Variants in SRPK2 observed in about 807,000 individuals in gnomAD.
SRPK2 encodes the protein SFRS protein kinase 2.
A neutral mutation model predicts 90.8 loss-of-function variants in SRPK2; 21 were observed. The ratio of observed to expected loss-of-function variants is 0.23; its 90% CI spans 0.16 to 0.33. SRPK2 has a LOEUF of 0.33. Among genes scored for constraint, SRPK2 ranks in the 10% least tolerant of loss-of-function variants. SRPK2 has a pLI of 1.00. For missense variants in SRPK2, 620 were observed against 869.0 expected (o/e 0.71, Z 3.60); for synonymous variants, 288 against 311.1 (o/e 0.93, Z 0.78).
At chr7:105,132,926 G>A (rs200889615) in intron 12 of SRPK2, 28 bp from the exon 13 acceptor site, 44 of 1,612,506 alleles carry the variant, frequency 2.7e-5, no homozygotes, top group Admixed American at 8.3e-5. Flanking sequence ...GCATTACCAC[G>A]GAGCAACACA....
At chr7:105,265,340 G>C (rs1804901355) in intron 2 of SRPK2, among the ~76,000 whole-genome samples, 1 of 152,128 alleles carries the variant, frequency 6.6e-6, no homozygotes, top group African/African-American at 2.4e-5. Flanking sequence ...GGTATTGTAA[G>C]TAATCTAGAG....
intron 7 of SRPK2, among the ~76,000 whole-genome samples, chr7:105,149,130 T>A (rs952289970): frequency 6.6e-6 from 1 of 152,150 alleles, no homozygotes; most frequent in Non-Finnish European, 1.5e-5. Context: ...GAAAGCCTCT[T>A]GCAGTTGAGA....
intron 2 of SRPK2, among the ~76,000 whole-genome samples, chr7:105,336,559 T>G (rs747939159): frequency 3.1e-4 from 47 of 152,158 alleles, no homozygotes; most frequent in Admixed American, 2.0e-4. Context: ...AAAAAAAAAG[T>G]TCTCATTACA....
At chr7:105,387,227 A>T (rs1247579940) in intron 2 of SRPK2, among the ~76,000 whole-genome samples, 1 of 152,232 alleles carries the variant, frequency 6.6e-6, no homozygotes, top group African/African-American at 2.4e-5. Flanking sequence ...AATTAAATCA[A>T]TGCTTTGAAT....
chr7:105,288,990 C>T (rs1808562780), intron 2 of SRPK2, among the ~76,000 whole-genome samples: 1 of 151,710 alleles, frequency 6.6e-6, no homozygotes, highest in Non-Finnish European at 1.5e-5. Context: ...GGTGCGGAGG[C>T]TCACGCCTGT....
chr7:105,334,319 C>T (rs1398662876), intron 2 of SRPK2, among the ~76,000 whole-genome samples: 1 of 152,158 alleles, frequency 6.6e-6, no homozygotes, highest in Non-Finnish European at 1.5e-5. Flanking sequence ...ACCTCGTGAT[C>T]CACCCACCTT....
At chr7:105,131,894 G>C (rs576986871) in intron 13 of SRPK2, among the ~76,000 whole-genome samples, 1 of 152,088 alleles carries the variant, frequency 6.6e-6, no homozygotes, top group Non-Finnish European at 1.5e-5. Flanking sequence ...TTCCCAACAC[G>C]GAACGCCTAA....
chr7:105,358,544 G>A (rs1818059071), intron 2 of SRPK2, among the ~76,000 whole-genome samples: 1 of 151,664 alleles, frequency 6.6e-6, no homozygotes, highest in African/African-American at 2.4e-5. Context: ...AAATTAGCCG[G>A]GCATGGTGGT....
intron 2 of SRPK2, among the ~76,000 whole-genome samples, chr7:105,315,507 G>A (rs1012396283): frequency 6.6e-6 from 1 of 152,238 alleles, no homozygotes; most frequent in Non-Finnish European, 1.5e-5. Flanking sequence ...GCACACTAAC[G>A]CTGTGTATTA....
chr7:105,320,229 G>A (rs958759894), intron 2 of SRPK2, among the ~76,000 whole-genome samples: 3 of 151,958 alleles, frequency 2.0e-5, no homozygotes, highest in Non-Finnish European at 2.9e-5. Flanking sequence ...AAACACCCAC[G>A]CATATCCCTA....
chr7:105,211,564 TG>T (rs1346888330), intron 2 of SRPK2, among the ~76,000 whole-genome samples: 1 of 151,508 alleles, frequency 6.6e-6, no homozygotes, highest in African/African-American at 2.4e-5. Context: ...GGAGTGAGAG[TG>T]AGGGGGGAGG....
upstream of SRPK2, among the ~76,000 whole-genome samples, chr7:105,389,580 C>A (rs1262710367): frequency 6.6e-6 from 1 of 152,190 alleles, no homozygotes; most frequent in African/African-American, 2.4e-5. Context: ...TTGAAACTCG[C>A]TTCCGTAAAC....
At chr7:105,306,646 C>G (rs1180272469) in intron 2 of SRPK2, 3 of 369,164 alleles carry the variant, frequency 8.1e-6, no homozygotes, top group African/African-American at 6.4e-5. Context: ...AAGATGCCAC[C>G]TTCAGTTGGA....
intron 2 of SRPK2, among the ~76,000 whole-genome samples, chr7:105,268,233 T>G (rs1046522429): frequency 9.2e-5 from 14 of 152,222 alleles, no homozygotes; most frequent in African/African-American, 2.9e-4. Flanking sequence ...GAACCATTAC[T>G]GCATGCAGTG....
chr7:105,185,550 AAAT>A (rs566380679), intron 3 of SRPK2, among the ~76,000 whole-genome samples: 8 of 152,076 alleles, frequency 5.3e-5, no homozygotes, highest in African/African-American at 1.2e-4. Flanking sequence ...TCTTGTCAAA[AAAT>A]AATAATAATA....
chr7:105,196,932 C>G (rs997579416), intron 3 of SRPK2, among the ~76,000 whole-genome samples: 8 of 152,076 alleles, frequency 5.3e-5, no homozygotes, highest in African/African-American at 1.9e-4. Flanking sequence ...TGCCTGTAAT[C>G]CAAGCTACTC....
intron 2 of SRPK2, among the ~76,000 whole-genome samples, chr7:105,378,113 C>T (rs1820521239): frequency 6.6e-6 from 1 of 152,136 alleles, no homozygotes; most frequent in Non-Finnish European, 1.5e-5. Flanking sequence ...GCTTGACATT[C>T]CAAGACTACA....
At chr7:105,225,524 A>G (rs997459920) in intron 2 of SRPK2, among the ~76,000 whole-genome samples, 2 of 152,206 alleles carry the variant, frequency 1.3e-5, no homozygotes, top group Non-Finnish European at 2.9e-5. Context: ...CATACTCCCA[A>G]CAAAACCACT....
chr7:105,293,491 C>CT (rs900633181), intron 2 of SRPK2, among the ~76,000 whole-genome samples: 1 of 151,968 alleles, frequency 6.6e-6, no homozygotes, highest in Non-Finnish European at 1.5e-5. Flanking sequence ...AACCTTCCCC[C>CT]TCCACCCCCC....
Sources: allele counts gnomAD v4.1 joint callset (sites outside exome capture counted in the v4.1 genomes callset), GRCh38; gene constraint gnomAD v4.1.1; transcripts MANE v1.5; gene names NCBI Gene and HGNC (gene_info 2026-07-23, HGNC 2026-07-21).